HELZ: variants seen among roughly 807,000 people sequenced by gnomAD.
HELZ encodes the protein ATP-dependent RNA helicase with zinc finger domain.
HELZ carries 23 observed loss-of-function variants against 218.2 expected under a neutral mutation model. That is an observed-to-expected ratio of 0.11 (90% CI 0.08 to 0.15). The LOEUF is 0.15. HELZ is among the 10% of genes least tolerant of loss of function. The pLI is 1.00. For missense variants in HELZ, 1,813 were observed against 2,353.7 expected (o/e 0.77, Z 4.75); for synonymous variants, 814 against 829.4 (o/e 0.98, Z 0.32).
At chr17:67,096,294 T>C (rs2036746129) in intron 31 of HELZ, among the ~76,000 whole-genome samples, 1 of 152,178 alleles carries the variant, frequency 6.6e-6, no homozygotes, top group Non-Finnish European at 1.5e-5. Context: ...TTCAAAGCCT[T>C]AGGATTTTTG....
At chr17:67,118,927 T>C (rs1193449280) in intron 27 of HELZ, among the ~76,000 whole-genome samples, 1 of 151,996 alleles carries the variant, frequency 6.6e-6, no homozygotes, top group Non-Finnish European at 1.5e-5. Context: ...ATTAGGGACA[T>C]GCAAACATGT....
chr17:67,118,692 CAAAAAAAAAAA>C lies in HELZ; in HGVS notation c.3838+1702_3838+1712del, dbSNP rs142101119. On this transcript the variant is annotated intron_variant, in intron 27 of 32. Coordinates refer to ENST00000358691, the MANE Select transcript of HELZ (RefSeq NM_014877.4). ...ACAGCAAGACTCTGTCTTTAAAAGG[CAAAAAAAAAAA>C]AAAAAAAAAAAAGGCAAGCCATATC... Among the ~76,000 whole-genome samples, 94 of 44,940 alleles carry C rather than the reference CAAAAAAAAAAA, an allele frequency of 2.1e-3. 1 individual carries two copies. The highest frequency in any genetic ancestry group is 8.7e-3 in the African/African-American group (93 of 10,676). 29.5% of individuals were successfully genotyped at this position (44,940 alleles called of 152,430 possible).
chr17:67,123,893 T>C, intron 25 of HELZ, 70 bp downstream of exon 25: 1 of 1,017,214 alleles, frequency 9.8e-7, no homozygotes, highest in Non-Finnish European at 1.6e-6. Flanking sequence ...TCCTCTTTCT[T>C]GTGGTGAAAT....
At chr17:67,139,068 CTTTA>C (rs145281858) in intron 21 of HELZ, among the ~76,000 whole-genome samples, 120 of 151,934 alleles carry the variant, frequency 7.9e-4, no homozygotes, top group African/African-American at 2.8e-3. Flanking sequence ...TACATCGTTT[CTTTA>C]TTATTTACTA....
At chr17:67,214,186 C>G (rs1012901285) in intron 5 of HELZ, among the ~76,000 whole-genome samples, 1 of 150,384 alleles carries the variant, frequency 6.6e-6, no homozygotes, top group Non-Finnish European at 1.5e-5. Flanking sequence ...AGTTAACTCT[C>G]AAAGCACACA....
At chr17:67,210,139 A>C (rs2040413882) in intron 5 of HELZ, among the ~76,000 whole-genome samples, 1 of 152,150 alleles carries the variant, frequency 6.6e-6, no homozygotes. Flanking sequence ...CAGGAGGATC[A>C]CTTGAGCTCA....
At chr17:67,084,730 AAAACC>A (rs1213786507) in intron 32 of HELZ, among the ~76,000 whole-genome samples, 1 of 152,182 alleles carries the variant, frequency 6.6e-6, no homozygotes, top group Non-Finnish European at 1.5e-5. Context: ...TATAATAAAC[AAAACC>A]ACCAAAAAAG....
rs1035946646 is a variant in HELZ, at chr17:67,109,518, G to A, written c.4087C>T (p.Leu1363Phe). ...AAGGGTGGTCTTGGTAGCTGGGGAAGGGGATGAAAGTGGCGATTAGGGATT... is the reference window on the plus strand; with the variant it reads ...AAGGGTGGTCTTGGTAGCTGGGGAAAGGGATGAAAGTGGCGATTAGGGATT... ...YAIPNRHFHPLPQLPRPPFPI... is the reference protein window; with the variant it reads ...YAIPNRHFHPFPQLPRPPFPI... Residue 1363 changes from leucine to phenylalanine, a missense_variant, in exon 29 of 33, where the codon CTT (leucine) becomes TTT (phenylalanine). By Grantham distance (22) the Leu-to-Phe change is conservative. Transcript: ENST00000358691. 4 of 1,614,068 alleles carry A rather than the reference G, an allele frequency of 2.5e-6. No homozygotes were observed. Among genetic ancestry groups the A allele is most frequent in the Non-Finnish European group, 3.4e-6 (4 of 1,180,050 alleles).
chr17:67,127,766 A>C (rs1251736469), intron 24 of HELZ, among the ~76,000 whole-genome samples: 1 of 151,618 alleles, frequency 6.6e-6, no homozygotes, highest in African/African-American at 2.4e-5. Flanking sequence ...GGATTGCTTG[A>C]GCCTAGGAGG....
intron 17 of HELZ, among the ~76,000 whole-genome samples, chr17:67,151,652 A>T (rs2038687294): frequency 6.6e-6 from 1 of 152,242 alleles, no homozygotes; most frequent in Admixed American, 6.5e-5. Context: ...AGTGAATTGC[A>T]TACTTATAAC....
At chr17:67,085,258 A>C (rs2036333593) in intron 32 of HELZ, among the ~76,000 whole-genome samples, 1 of 151,540 alleles carries the variant, frequency 6.6e-6, no homozygotes, top group Non-Finnish European at 1.5e-5. Flanking sequence ...ATTTCTACAA[A>C]AATAAACACG....
chr17:67,133,224 T>C (rs1278606745), intron 23 of HELZ, among the ~76,000 whole-genome samples: 1 of 152,148 alleles, frequency 6.6e-6, no homozygotes, highest in Admixed American at 6.5e-5. Context: ...GTATATACCT[T>C]GACACTTCCC....
At chr17:67,105,644 CTT>C (rs977130536) in intron 31 of HELZ, among the ~76,000 whole-genome samples, 13 of 152,162 alleles carry the variant, frequency 8.5e-5, no homozygotes, top group Non-Finnish European at 1.6e-4. Context: ...TAAAACATCA[CTT>C]AACTGAAAAT....
intron 17 of HELZ, among the ~76,000 whole-genome samples, chr17:67,151,432 T>C (rs1011152449): frequency 6.6e-6 from 1 of 152,112 alleles, no homozygotes; most frequent in Non-Finnish European, 1.5e-5. Flanking sequence ...ATGACAGACA[T>C]AGAAAGTATA....
intron 32 of HELZ, 115 bp downstream of exon 32, chr17:67,086,714 A>T: frequency 1.0e-6 from 1 of 958,076 alleles, no homozygotes; most frequent in Non-Finnish European, 1.6e-6. Flanking sequence ...AGCATCATTA[A>T]ATATTGTTCA....
intron 3 of HELZ, among the ~76,000 whole-genome samples, chr17:67,238,109 G>A (rs1015548252): frequency 1.3e-5 from 2 of 151,996 alleles, no homozygotes; most frequent in Non-Finnish European, 2.9e-5. Context: ...ACTTTGGGAG[G>A]CCAAGGCAGG....
rs2035964008 is a variant in HELZ at position 67,074,262 on chromosome 17, A to C, written c.*3990T>G. On this transcript the variant is annotated 3_prime_UTR_variant, in exon 33 of 33. Transcript: ENST00000358691. The stretch of plus-strand genomic sequence containing the variant: ...TGAGGAGCTGGAGGGAAAAAAAAAA[A>C]CACAATGGCTAGCTTACATGACATT... 1 of 150,504 alleles carries C rather than the reference A, an allele frequency of 6.6e-6. No individual in the cohort carries two copies. Among genetic ancestry groups the C allele is most frequent in the Non-Finnish European group, 1.5e-5 (1 of 67,584 alleles). 9.3% of individuals were successfully genotyped at this position (150,504 alleles called of 1,614,324 possible).
intron 31 of HELZ, among the ~76,000 whole-genome samples, chr17:67,090,659 T>C (rs73997334): frequency 0.039 from 5,885 of 152,218 alleles, 392 homozygotes; most frequent in African/African-American, 0.13. Context: ...GCTGAATGTA[T>C]GTGCACAGAG....
chr17:67,125,286 C>CTATATATATATA (rs57513241), intron 24 of HELZ, among the ~76,000 whole-genome samples: 1 of 70,154 alleles, frequency 1.4e-5, no homozygotes, highest in Admixed American at 1.3e-4. Flanking sequence ...TTGGCACCAA[C>CTATATATATATA]TATATATATA....
Sources: gnomAD v4.1 joint callset for allele counts (sites outside exome capture counted in the v4.1 genomes callset) on GRCh38, gnomAD v4.1.1 for gene constraint, MANE v1.5 for transcripts, NCBI Gene and HGNC (gene_info 2026-07-23, HGNC 2026-07-21) for gene names.